The following VAT1L variants were observed in gnomAD, a reference collection of about 807,000 sequenced individuals.
VAT1L encodes the protein vesicle amine transport 1 like, also known as putative NADPH-dependent quinone oxidoreductase VAT1L.
VAT1L carries 34 observed loss-of-function variants against 44.1 expected under a neutral mutation model. The ratio of observed to expected loss-of-function variants is 0.77; its 90% CI spans 0.59 to 1.03. VAT1L has a LOEUF of 1.03. VAT1L is among the 50% of genes least tolerant of loss of function. The probability of loss-of-function intolerance (pLI) is 0.00; values close to 1 mark genes in which losing one functional copy is unlikely to be tolerated. For missense variants in VAT1L, 615 were observed against 538.8 expected, an observed-to-expected ratio of 1.14 and a Z score of -1.40; for synonymous variants, 253 against 202.2, an observed-to-expected ratio of 1.25 and a Z score of -2.13.
intron 7 of VAT1L, among the ~76,000 whole-genome samples, chr16:77,908,464 CAAAAAAAAA>C (rs11418351): frequency 7.6e-5 from 3 of 39,368 alleles, no homozygotes; most frequent in African/African-American, 1.1e-4. Context: ...GGTTCTGTCT[CAAAAAAAAA>C]AAAAAAAAAA....
At chr16:77,861,803 G>A (rs1019284252) in intron 3 of VAT1L, among the ~76,000 whole-genome samples, 7 of 152,128 alleles carry the variant, frequency 4.6e-5, no homozygotes, top group African/African-American at 9.7e-5. Context: ...TAAATACTCC[G>A]GCTTCCTTGC....
intron 1 of VAT1L, among the ~76,000 whole-genome samples, chr16:77,804,221 C>T (rs1044077362): frequency 6.6e-6 from 1 of 152,160 alleles, no homozygotes; most frequent in Non-Finnish European, 1.5e-5. Flanking sequence ...TGGTCAACAT[C>T]AAACATGGAG....
chr16:77,879,359 C>A lies in VAT1L; in HGVS notation c.882+135C>A. 1.1e-6 allele frequency: 1 copy of A among 908,260 alleles called. No homozygotes were observed. The allele number at this position is 908,260 out of a possible 1,614,324, so 56.3% of individuals were successfully genotyped here. On this transcript the variant is annotated intron_variant, in intron 6 of 8. Coordinates refer to ENST00000302536, the MANE Select transcript of VAT1L (RefSeq NM_020927.3). The surrounding 1 kb of genome is among the most constrained non-coding windows in gnomAD (Gnocchi z 4.1). Reference sequence around the variant, plus strand: ...AGGCTGGAGTGCAATGGCACGATCTCGGCTCATGGCAACCTCCGACTCCCT... The same window carrying A: ...AGGCTGGAGTGCAATGGCACGATCTAGGCTCATGGCAACCTCCGACTCCCT...
At chr16:77,802,851 T>C (rs2016088520) in intron 1 of VAT1L, among the ~76,000 whole-genome samples, 1 of 152,152 alleles carries the variant, frequency 6.6e-6, no homozygotes, top group Non-Finnish European at 1.5e-5. Context: ...TATCTAGTCT[T>C]TAATCTTTCA....
chr16:77,893,130 A>C (rs780452428), intron 7 of VAT1L, among the ~76,000 whole-genome samples: 2 of 152,198 alleles, frequency 1.3e-5, no homozygotes, highest in Non-Finnish European at 2.9e-5. Context: ...ACAACAACAA[A>C]AAAAGCCTCT....
rs61033802 is a variant in VAT1L at position 77,952,855 on chromosome 16, TA to T, written c.1078-18975del. ...CTGGGGAACAGAGTGAGACTCCATT[TA>T]AAAAAAAAAAAAAAAAAAAGCTGTT... On this transcript the variant is annotated intron_variant, in intron 7 of 8. Transcript: ENST00000302536. 6.2e-3 allele frequency among the ~76,000 whole-genome samples: 575 copies of T among 92,204 alleles called. 3 individuals carry two copies. Among genetic ancestry groups the T allele is most frequent in the Non-Finnish European group, 7.3e-3 (398 of 54,188 alleles). The allele number at this position is 92,204 out of a possible 152,430, so 60.5% of individuals were successfully genotyped here.
At chr16:77,803,957 A>T (rs1481020155) in intron 1 of VAT1L, among the ~76,000 whole-genome samples, 2 of 152,102 alleles carry the variant, frequency 1.3e-5, no homozygotes, top group African/African-American at 4.8e-5. Flanking sequence ...GATCCCAGTG[A>T]CGTGATTTAA....
intron 7 of VAT1L, among the ~76,000 whole-genome samples, chr16:77,898,148 G>C (rs939786423): frequency 6.6e-6 from 1 of 152,108 alleles, no homozygotes; most frequent in Non-Finnish European, 1.5e-5. Flanking sequence ...CATTCCCTCT[G>C]TGGGCATCTA....
chr16:77,913,945 CA>C (rs1201451018), intron 7 of VAT1L, among the ~76,000 whole-genome samples: 1 of 152,192 alleles, frequency 6.6e-6, no homozygotes, highest in Non-Finnish European at 1.5e-5. Flanking sequence ...TATTCAGCAA[CA>C]ACATTGACTG....
chr16:77,819,577 T>C (rs572124763), intron 2 of VAT1L, among the ~76,000 whole-genome samples: 18 of 152,264 alleles, frequency 1.2e-4, no homozygotes, highest in African/African-American at 4.1e-4. Flanking sequence ...AAGACAGGGT[T>C]TCACCGTGTT....
At chr16:77,934,972 T>C (rs2017775824) in intron 7 of VAT1L, among the ~76,000 whole-genome samples, 1 of 152,104 alleles carries the variant, frequency 6.6e-6, no homozygotes, top group African/African-American at 2.4e-5. Context: ...AAAGGGACCC[T>C]AGTCTAGTTT....
In VAT1L at chr16:77,915,135, AAG is replaced by A. The variant is rs1491046969; in HGVS notation, c.1077+30336_1077+30337del. 3.3e-5 allele frequency among the ~76,000 whole-genome samples: 5 copies of A among 152,328 alleles called. No homozygotes were observed. In the East Asian group the frequency reaches 9.7e-4, roughly 29 times the overall value. On this transcript the variant is annotated intron_variant, in intron 7 of 8. Transcript: ENST00000302536. ...AGCAAAATTCCGTCTCAAAAAAAAA[AAG>A]AGTTGTTGGATTGGAATGCAACTCA...
At chr16:77,897,771 A>G (rs970516011) in intron 7 of VAT1L, among the ~76,000 whole-genome samples, 2 of 152,160 alleles carry the variant, frequency 1.3e-5, no homozygotes, top group African/African-American at 2.4e-5. Flanking sequence ...CACTGCGCCC[A>G]GCCCAAACTG....
intron 7 of VAT1L, among the ~76,000 whole-genome samples, chr16:77,899,911 A>C (rs1214676409): frequency 6.6e-6 from 1 of 152,198 alleles, no homozygotes; most frequent in African/African-American, 2.4e-5. Context: ...ACAAATTACC[A>C]ACTAGTTAGG....
chr16:77,865,113 A>G (rs1364293442), intron 4 of VAT1L, among the ~76,000 whole-genome samples: 2 of 151,882 alleles, frequency 1.3e-5, no homozygotes, highest in Non-Finnish European at 2.9e-5. Context: ...AGCTGGGACT[A>G]CAGGCACCCA....
At chr16:77,964,282 A>G (rs902550950) in intron 7 of VAT1L, among the ~76,000 whole-genome samples, 1 of 152,120 alleles carries the variant, frequency 6.6e-6, no homozygotes, top group Non-Finnish European at 1.5e-5. Flanking sequence ...CTTAAATAAC[A>G]TAAAAGTATT....
chr16:77,888,216 C>T (rs1484549553), intron 7 of VAT1L, among the ~76,000 whole-genome samples: 1 of 152,192 alleles, frequency 6.6e-6, no homozygotes, highest in Admixed American at 6.5e-5. Flanking sequence ...CCATTTGATA[C>T]TCTCCATTGC....
intron 7 of VAT1L, among the ~76,000 whole-genome samples, chr16:77,887,056 C>T (rs1046755090): frequency 6.6e-6 from 1 of 152,106 alleles, no homozygotes; most frequent in African/African-American, 2.4e-5. Flanking sequence ...TGTAGAGAAA[C>T]TTTAAAGAGG....
intron 7 of VAT1L, among the ~76,000 whole-genome samples, chr16:77,968,740 C>G (rs199726449): frequency 8.2e-6 from 1 of 121,560 alleles, no homozygotes; most frequent in African/African-American, 3.0e-5. Flanking sequence ...AACAAACAAA[C>G]AAAAAGAGCA....
Sources: allele counts gnomAD v4.1 joint callset (sites outside exome capture counted in the v4.1 genomes callset), GRCh38; gene constraint gnomAD v4.1.1; non-coding constraint Gnocchi (gnomAD v3.1); transcripts MANE v1.5; gene names NCBI Gene and HGNC (gene_info 2026-07-23, HGNC 2026-07-21).